CSMD3: variants seen among roughly 807,000 people sequenced by gnomAD.
The protein encoded by CSMD3 is CUB and sushi domain-containing protein 3.
In CSMD3, 177 loss-of-function variants were observed where a neutral mutation model predicts 435.2. The observed-to-expected ratio is 0.41, with a 90% confidence interval of 0.36 to 0.46. The LOEUF (loss-of-function observed/expected upper bound fraction) is 0.46. Ranked by LOEUF, CSMD3 falls within the 20% of genes least tolerant of loss-of-function variation. CSMD3 has a pLI of 0.34. For synonymous variants in CSMD3, 1,656 were observed against 1,520.5 expected, an observed-to-expected ratio of 1.09 and a Z score of -2.07; for missense variants, 4,265 against 4,504.6, an observed-to-expected ratio of 0.95 and a Z score of 1.52.
Position 112,228,875 on chromosome 8 carries a change from T to G in CSMD3, c.10845A>C (p.Glu3615Asp), listed in dbSNP as rs1812822431. ...GLQRLGLNMSEGSNSSNQPHG... is the reference protein window; with the variant it reads ...GLQRLGLNMSDGSNSSNQPHG... ...GAGGTTGATTTGAAGAATTTGAACC[T>G]TCTGACATATTCAGTCCTACAAAAT... The change falls in exon 70 of 71, where the codon GAA becomes GAC. Residue 3615 changes from glutamate to aspartate, a missense_variant. Physicochemically the swap from Glu to Asp is conservative, Grantham distance 45 (BLOSUM62 2). Around this residue, in one of 3 missense-constraint regions of CSMD3, gnomAD observed 3,255 missense variants for 3,380.2 expected, o/e 0.96. Transcript: ENST00000297405. 1 of 1,531,746 alleles carries G rather than the reference T, an allele frequency of 6.5e-7. No individual in the cohort carries two copies. The highest frequency in any genetic ancestry group is 2.3e-5 in the East Asian group (1 of 44,254). The allele number at this position is 1,531,746 out of a possible 1,614,324, so 94.9% of individuals were successfully genotyped here.
intron 12 of CSMD3, among the ~76,000 whole-genome samples, chr8:112,817,916 G>T (rs2079421013): frequency 1.3e-5 from 2 of 151,942 alleles, no homozygotes; most frequent in African/African-American, 2.4e-5. Flanking sequence ...TGGAGCTAAA[G>T]CCTCAAGGTG....
chr8:113,218,650 A>C (rs2132117399), intron 3 of CSMD3, among the ~76,000 whole-genome samples: 1 of 151,420 alleles, frequency 6.6e-6, no homozygotes, highest in African/African-American at 2.4e-5. Context: ...TTTCACAATG[A>C]GAAAAAGTTA....
chr8:113,031,437 C>T (rs1033573518), intron 5 of CSMD3, among the ~76,000 whole-genome samples: 1 of 151,492 alleles, frequency 6.6e-6, no homozygotes, highest in African/African-American at 2.4e-5. Flanking sequence ...TATGTAATTC[C>T]ATTCATATAA....
rs1043567143 is a variant in CSMD3, at chr8:112,492,491, T to C, written c.5276A>G (p.His1759Arg). The change falls in exon 31 of 71, where the codon CAT (histidine) becomes CGT (arginine). Residue 1759 changes from histidine (H) to arginine (R), a missense_variant and splice_region_variant. By Grantham distance (29) the His-to-Arg change is conservative (BLOSUM62 0). Coordinates refer to ENST00000297405, the MANE Select transcript of CSMD3 (RefSeq NM_198123.2). ...CAGCCAAAAAATATGTTCCTTACCA[T>C]GACAACTTGGCAAGGCTCTATTCCA... ...PGWNRALPSC[H>R]APCGSRSTGS... 1.9e-6 allele frequency: 3 copies of C among 1,612,760 alleles called. No individual in the cohort carries two copies. Among genetic ancestry groups the C allele is most frequent in the Admixed American group, 1.7e-5 (1 of 60,012 alleles).
chr8:112,286,738 T>A (rs1819242801), intron 58 of CSMD3, among the ~76,000 whole-genome samples: 1 of 152,098 alleles, frequency 6.6e-6, no homozygotes, highest in African/African-American at 2.4e-5. Context: ...AGTCTTGGAA[T>A]GTATTCTCCA....
At chr8:113,202,128 A>G (rs73346384) in intron 3 of CSMD3, among the ~76,000 whole-genome samples, 3,319 of 152,190 alleles carry the variant, frequency 0.022, 136 homozygotes, top group African/African-American at 0.076. Flanking sequence ...TATTCATTCT[A>G]TTGCTATAAA....
chr8:112,488,825 T>A (rs900534159), intron 31 of CSMD3, among the ~76,000 whole-genome samples: 1 of 152,102 alleles, frequency 6.6e-6, no homozygotes, highest in Non-Finnish European at 1.5e-5. Context: ...TTATCTAGAA[T>A]TGGTAAATAA....
intron 51 of CSMD3, 99 bp downstream of exon 51, chr8:112,305,908 G>A (rs892824597): frequency 1.0e-5 from 10 of 1,002,838 alleles, no homozygotes; most frequent in Non-Finnish European, 1.4e-5. Flanking sequence ...TCACATTTCA[G>A]TTTAGGGATT....
intron 9 of CSMD3, among the ~76,000 whole-genome samples, chr8:112,941,977 C>T (rs1008651790): frequency 6.6e-6 from 1 of 151,498 alleles, no homozygotes; most frequent in Non-Finnish European, 1.5e-5. Context: ...TTCATAATTA[C>T]ATTAGGGTTC....
At chr8:112,691,285 T>TA (rs2076131801) in intron 13 of CSMD3, among the ~76,000 whole-genome samples, 1 of 152,170 alleles carries the variant, frequency 6.6e-6, no homozygotes, top group South Asian at 2.1e-4. Flanking sequence ...AGACTTTTTT[T>TA]ATCTATCAGG....
intron 36 of CSMD3, among the ~76,000 whole-genome samples, chr8:112,384,551 T>G (rs1377568496): frequency 6.6e-6 from 1 of 152,342 alleles, no homozygotes; most frequent in Non-Finnish European, 1.5e-5. Context: ...GGAATAACTT[T>G]ATTAAAAGTT....
rs192521482 is a variant in CSMD3, at chr8:112,572,154, G to C, written c.4042+1347C>G. On this transcript the variant is annotated intron_variant, in intron 24 of 70. Transcript: ENST00000297405. ...TCAATATCATTACAATATTGATATT[G>C]CTCAATATCATTACTTTTAGTCCAT... Among the ~76,000 whole-genome samples the C allele has an allele frequency of 6.2e-3, 947 of 151,838 alleles. 9 individuals are homozygous for C. The highest frequency in any genetic ancestry group is 6.9e-3 in the Non-Finnish European group (468 of 67,946).
At chr8:113,276,865 T>C (rs2093575178) in intron 3 of CSMD3, among the ~76,000 whole-genome samples, 1 of 151,990 alleles carries the variant, frequency 6.6e-6, no homozygotes, top group Admixed American at 6.6e-5. Context: ...CAAACATACA[T>C]TTAAATGTCA....
chr8:112,728,784 TAAGTA>T (rs2077017991), intron 13 of CSMD3, among the ~76,000 whole-genome samples: 1 of 152,046 alleles, frequency 6.6e-6, no homozygotes, highest in Non-Finnish European at 1.5e-5. Context: ...TTAAAACAAA[TAAGTA>T]AAGTTCTGCT....
intron 1 of CSMD3, among the ~76,000 whole-genome samples, chr8:113,389,218 C>T (rs368238669): frequency 1.3e-5 from 2 of 151,598 alleles, no homozygotes; most frequent in Non-Finnish European, 3.0e-5. Flanking sequence ...TTCTCTTGCA[C>T]TTTAAATTGA....
At chr8:112,948,037 A>G (rs1375123187) in intron 8 of CSMD3, among the ~76,000 whole-genome samples, 160 bp from the exon 9 acceptor site, 2 of 151,988 alleles carry the variant, frequency 1.3e-5, no homozygotes, top group African/African-American at 2.4e-5. Context: ...AAAACAATAA[A>G]GAAAGCAAAA....
At chr8:113,405,292 C>A (rs868572009) in intron 1 of CSMD3, among the ~76,000 whole-genome samples, 1 of 151,416 alleles carries the variant, frequency 6.6e-6, no homozygotes, top group African/African-American at 2.4e-5. Flanking sequence ...AGAGGAAAAA[C>A]TAGATTTGAA....
At chr8:112,444,715 T>G (rs10109807) in intron 32 of CSMD3, among the ~76,000 whole-genome samples, 1 of 151,624 alleles carries the variant, frequency 6.6e-6, no homozygotes, top group Admixed American at 6.6e-5. Flanking sequence ...GAAGGGAGAG[T>G]TGGGGAAGCT....
chr8:112,439,533 T>C (rs1442592708), intron 32 of CSMD3, among the ~76,000 whole-genome samples: 5 of 152,178 alleles, frequency 3.3e-5, no homozygotes, highest in Non-Finnish European at 7.3e-5. Flanking sequence ...ATATATACCT[T>C]TGTATACAAA....
Sources: allele counts gnomAD v4.1 joint callset (sites outside exome capture counted in the v4.1 genomes callset), GRCh38; gene constraint gnomAD v4.1.1; regional missense constraint gnomAD v4.1.1; transcripts MANE v1.5; gene names NCBI Gene and HGNC (gene_info 2026-07-23, HGNC 2026-07-21).